MYO1C: variants seen among roughly 807,000 people sequenced by gnomAD.
MYO1C encodes the protein unconventional myosin-Ic.
MYO1C carries 104 observed loss-of-function variants against 150.8 expected under a neutral mutation model. The observed-to-expected ratio is 0.69, with a 90% confidence interval of 0.59 to 0.81. The LOEUF (loss-of-function observed/expected upper bound fraction) is 0.81. Among genes scored for constraint, MYO1C ranks in the 30% least tolerant of loss-of-function variants. MYO1C has a pLI of 0.00. For missense variants in MYO1C, 1,504 were observed against 1,435.0 expected (o/e 1.05, Z -0.78); for synonymous variants, 663 against 579.9 (o/e 1.14, Z -2.06).
At position 1,467,257 on chromosome 17, in the gene MYO1C, GT is replaced by G; in HGVS notation, c.3149del (p.Asn1050ThrfsTer11). 1 of 1,612,846 alleles carries G rather than the reference GT, an allele frequency of 6.2e-7. No homozygotes were observed. The highest frequency in any genetic ancestry group is 8.5e-7 in the Non-Finnish European group (1 of 1,179,534). On this transcript the variant is annotated frameshift_variant, in exon 31 of 32. Transcript: ENST00000648651. LOFTEE classifies it high-confidence loss of function. ...GSELLITKAK[N>X]GHLAVVAPRL... ...CCCCACTCACCACAGCCAGGTGCCCGTTCTTGGCCTTGGTGATGAGCAGCTC... is the reference window on the plus strand; with the variant it reads ...CCCCACTCACCACAGCCAGGTGCCCGTCTTGGCCTTGGTGATGAGCAGCTC...
Position 1,478,699 on chromosome 17 carries a change from C to T in MYO1C, c.1129G>A (p.Ala377Thr), listed in dbSNP as rs376176467. Reference protein sequence around the residue: ...SPLNLEQAAYARDALAKAVYS... With the variant: ...SPLNLEQAAYTRDALAKAVYS... ...ACAGCCTTGGCGAGGGCGTCTCGTGCGTACGCGGCCTGCTCCAGGTTCAGC... is the reference window on the plus strand; with the variant it reads ...ACAGCCTTGGCGAGGGCGTCTCGTGTGTACGCGGCCTGCTCCAGGTTCAGC... The change falls in exon 10 of 32, where the codon GCA becomes ACA. Residue 377 changes from alanine to threonine, a missense_variant. Ala to Thr is a moderately conservative substitution (Grantham distance 58). Coordinates refer to ENST00000648651, the MANE Select transcript of MYO1C (RefSeq NM_001080779.2). The surrounding 1 kb of genome is among the most constrained non-coding windows in gnomAD (Gnocchi z 6.3). The T allele has an allele frequency of 1.7e-5, 28 of 1,614,046 alleles. No homozygotes were observed. The highest frequency in any genetic ancestry group is 1.3e-4 in the African/African-American group (10 of 74,928).
In MYO1C at chr17:1,465,742, C is replaced by G. The variant is rs201910249; in HGVS notation, c.3176G>C (p.Arg1059Pro). Residue 1059 changes from arginine (R) to proline (P), a missense_variant, in exon 32 of 32, where the codon CGG becomes CCG. By Grantham distance (103) the Arg-to-Pro change is moderately radical. Coordinates refer to ENST00000648651, the MANE Select transcript of MYO1C (RefSeq NM_001080779.2). Reference sequence around the variant, plus strand: ...GCGCCTTTATCACCGAGAATTCAGCCGTGGGGCGACCTGTGGGGGCGGAGA... The same window carrying G: ...GCGCCTTTATCACCGAGAATTCAGCGGTGGGGCGACCTGTGGGGGCGGAGA... Reference protein sequence around the residue: ...KNGHLAVVAPRLNSR With the variant: ...KNGHLAVVAPPLNSR The G allele has an allele frequency of 5.3e-6, 7 of 1,323,992 alleles. No individual in the cohort carries two copies. Among genetic ancestry groups the G allele is most frequent in the Non-Finnish European group, 6.8e-6 (7 of 1,027,352 alleles). 82.0% of individuals were successfully genotyped at this position (1,323,992 alleles called of 1,614,324 possible).
chr17:1,482,457 C>T (rs535257919), intron 5 of MYO1C, 21 bp downstream of exon 5: 23 of 1,608,222 alleles, frequency 1.4e-5, no homozygotes, highest in South Asian at 1.4e-4. Flanking sequence ...GGAATCCTCA[C>T]GACACACACA....
chr17:1,471,702 G>A (rs568885348), intron 19 of MYO1C, among the ~76,000 whole-genome samples: 1 of 152,312 alleles, frequency 6.6e-6, no homozygotes, highest in South Asian at 2.1e-4. Context: ...TGCTCCTGGA[G>A]GGCACGGCCT....
At chr17:1,467,629 C>CCCCCA in intron 29 of MYO1C, 52 bp from the exon 30 acceptor site, 1 of 1,546,262 alleles carries the variant, frequency 6.5e-7, no homozygotes, top group Non-Finnish European at 8.8e-7. Flanking sequence ...ACTTGAGGAA[C>CCCCCA]CCCCGCCCCA....
In MYO1C at chr17:1,483,643, C is replaced by T. The variant is rs146471734; in HGVS notation, c.314G>A (p.Arg105His). ...GGGCACTTCATAGAAGCTGACGCCACGGTAACGCTCCATATGCTGCCGGCT... is the reference window on the plus strand; with the variant it reads ...GGGCACTTCATAGAAGCTGACGCCATGGTAACGCTCCATATGCTGCCGGCT... ...IYSRQHMERYRGVSFYEVPPH... is the reference protein window; with the variant it reads ...IYSRQHMERYHGVSFYEVPPH... Residue 105 changes from arginine (R) to histidine (H), a missense_variant, in exon 3 of 32, where the codon CGT (arginine) becomes CAT (histidine). Transcript: ENST00000648651. 2.8e-4 allele frequency: 456 copies of T among 1,612,624 alleles called. No homozygotes were observed. Among genetic ancestry groups the T allele is most frequent in the Non-Finnish European group, 3.4e-4 (404 of 1,179,538 alleles).
chr17:1,464,984 G>A lies in MYO1C; in HGVS notation c.*742C>T, dbSNP rs1250367656. On this transcript the variant is annotated 3_prime_UTR_variant, in exon 32 of 32. Transcript: ENST00000648651. ...TGCACCACCATGCCCGGCTAATTTT[G>A]TATTTTTACTAGAGGCGGAGTTTCT... 1 of 152,000 alleles carries A rather than the reference G, an allele frequency of 6.6e-6. No homozygotes were observed. Among genetic ancestry groups the A allele is most frequent in the East Asian group, 1.9e-4 (1 of 5,194 alleles). The allele number at this position is 152,000 out of a possible 1,614,324, so 9.4% of individuals were successfully genotyped here. A position where few individuals can be genotyped will look rare whatever the true frequency, so the allele number is the denominator to read the frequency against.
intron 1 of MYO1C, among the ~76,000 whole-genome samples, chr17:1,488,631 G>A (rs1388960034): frequency 1.3e-5 from 2 of 152,234 alleles, no homozygotes; most frequent in Non-Finnish European, 2.9e-5. Flanking sequence ...TTACTGCAGG[G>A]CTGCCCTGAG....
chr17:1,474,867 G>A lies in MYO1C; in HGVS notation c.1670-9C>T. On this transcript the variant is annotated splice_polypyrimidine_tract_variant and intron_variant, in intron 15 of 31. Transcript: ENST00000648651. ...GTTTTTGTCCAGAAACCCTGGGAGG[G>A]GAGAACCGACGTGAGGTGAGACAGA... 1 of 1,614,092 alleles carries A rather than the reference G, an allele frequency of 6.2e-7. No homozygotes were observed. The highest frequency in any genetic ancestry group is 1.7e-5 in the Admixed American group (1 of 60,006).
intron 17 of MYO1C, 93 bp from the exon 18 acceptor site, chr17:1,472,321 G>A: frequency 9.3e-7 from 1 of 1,078,808 alleles, no homozygotes; most frequent in Non-Finnish European, 1.4e-6. Context: ...CTGGTGACGC[G>A]CGCAGCAGCC....
intron 26 of MYO1C, 36 bp from the exon 27 acceptor site, chr17:1,468,344 G>A (rs377127109): frequency 5.6e-6 from 9 of 1,613,786 alleles, no homozygotes; most frequent in Non-Finnish European, 7.6e-6. Flanking sequence ...AGTCAGTGGA[G>A]GCAATGGGGG....
intron 23 of MYO1C, 43 bp downstream of exon 23, chr17:1,470,392 C>G (rs933828671): frequency 3.2e-6 from 5 of 1,547,612 alleles, no homozygotes; most frequent in South Asian, 1.2e-5. Context: ...AACCACCCCC[C>G]ACGCCCTGCT....
intron 5 of MYO1C, chr17:1,481,242 G>A (rs952793805): frequency 6.6e-6 from 2 of 302,554 alleles, no homozygotes; most frequent in Non-Finnish European, 1.3e-5. Flanking sequence ...TTCAAGCCAA[G>A]GACTTGGCAG....
intron 2 of MYO1C, 108 bp downstream of exon 2, chr17:1,484,040 C>CAA (rs375403851): frequency 1.9e-3 from 2,184 of 1,168,814 alleles, no homozygotes; most frequent in Non-Finnish European, 2.2e-3. Context: ...GAAACTGTCT[C>CAA]AAAAAAAAAA....
At chr17:1,484,526 G>A in intron 1 of MYO1C, 1 of 617,270 alleles carries the variant, frequency 1.6e-6, no homozygotes, top group Non-Finnish European at 2.9e-6. Flanking sequence ...CAGTGTGGCA[G>A]CAGAGGGATC....
rs752573775 is a variant in MYO1C, at chr17:1,478,748, CGT to C, written c.1093-15_1093-14del. On this transcript the variant is annotated splice_polypyrimidine_tract_variant and intron_variant, in intron 9 of 31. Coordinates refer to ENST00000648651, the MANE Select transcript of MYO1C (RefSeq NM_001080779.2). The surrounding 1 kb of genome is among the most constrained non-coding windows in gnomAD (Gnocchi z 6.3). The stretch of plus-strand genomic sequence containing the variant: ...GCGGGCTCAGGAGCTGTGGACGCAG[CGT>C]GAGACAAGGAGATGAATGCCACAGA... 6.2e-6 allele frequency: 10 copies of C among 1,613,382 alleles called. No individual in the cohort carries two copies. The highest frequency in any genetic ancestry group is 8.5e-6 in the Non-Finnish European group (10 of 1,180,006).
chr17:1,468,754 C>G (rs1187799884), intron 25 of MYO1C: 3 of 554,044 alleles, frequency 5.4e-6, no homozygotes, highest in Admixed American at 6.2e-5. Flanking sequence ...AATGCTTCCC[C>G]ACCCCATCAG....
In MYO1C at chr17:1,478,695, C is replaced by T. The variant is rs200924144; in HGVS notation, c.1133G>A (p.Arg378Gln). 60 of 1,614,030 alleles carry T rather than the reference C, an allele frequency of 3.7e-5. No individual in the cohort carries two copies. Among genetic ancestry groups the T allele is most frequent in the Admixed American group, 1.2e-4 (7 of 60,006 alleles). ...GTACACAGCCTTGGCGAGGGCGTCT[C>T]GTGCGTACGCGGCCTGCTCCAGGTT... Reference protein sequence around the residue: ...PLNLEQAAYARDALAKAVYSR... With the variant: ...PLNLEQAAYAQDALAKAVYSR... Residue 378 changes from arginine (R) to glutamine (Q), a missense_variant, in exon 10 of 32, where the codon CGA (arginine) becomes CAA (glutamine). Physicochemically the swap from Arg to Gln is conservative, Grantham distance 43. Coordinates refer to ENST00000648651, the MANE Select transcript of MYO1C (RefSeq NM_001080779.2). This position sits in a 1 kb window ranked among gnomAD's most constrained non-coding sequence, Gnocchi z 6.3.
At chr17:1,469,700 G>C in intron 24 of MYO1C, 86 bp from the exon 25 acceptor site, 9 of 1,075,440 alleles carry the variant, frequency 8.4e-6, no homozygotes, top group Non-Finnish European at 1.3e-5. Context: ...GCATCCTTTG[G>C]ATAAGTAACA....
Sources: allele counts gnomAD v4.1 joint callset (sites outside exome capture counted in the v4.1 genomes callset), GRCh38; gene constraint gnomAD v4.1.1; non-coding constraint Gnocchi (gnomAD v3.1); transcripts MANE v1.5; gene names NCBI Gene and HGNC (gene_info 2026-07-23, HGNC 2026-07-21).